Variants in NRXN3 observed in about 807,000 individuals in gnomAD.
NRXN3 encodes neurexin 3, also known as neurexin III.
NRXN3 carries 32 observed loss-of-function variants against 137.6 expected under a neutral mutation model. The ratio of observed to expected loss-of-function variants is 0.23; its 90% CI spans 0.18 to 0.31. The LOEUF (loss-of-function observed/expected upper bound fraction) is 0.31, where lower values mean the gene tolerates loss of function less well. NRXN3 is among the 10% of genes least tolerant of loss of function. The pLI is 1.00. For synonymous variants in NRXN3, 798 were observed against 784.5 expected, an observed-to-expected ratio of 1.02 and a Z score of -0.29; for missense variants, 1,574 against 2,062.5, an observed-to-expected ratio of 0.76 and a Z score of 4.59.
intron 17 of NRXN3, among the ~76,000 whole-genome samples, chr14:79,672,901 T>C (rs1396719604): frequency 6.6e-6 from 1 of 152,042 alleles, no homozygotes; most frequent in Non-Finnish European, 1.5e-5. Flanking sequence ...TTATTTAAAG[T>C]CTAAAAAGAA....
At chr14:78,194,499 G>A (rs2061044700) in intron 1 of NRXN3, among the ~76,000 whole-genome samples, 1 of 152,142 alleles carries the variant, frequency 6.6e-6, no homozygotes, top group East Asian at 1.9e-4. Context: ...TAGAATGTGT[G>A]ATCTAGGTGA....
At chr14:78,657,843 C>A (rs2097796968) in intron 6 of NRXN3, among the ~76,000 whole-genome samples, 1 of 151,910 alleles carries the variant, frequency 6.6e-6, no homozygotes, top group African/African-American at 2.4e-5. Context: ...TTTTTTTCTT[C>A]TTTAAAAAAA....
intron 10 of NRXN3, among the ~76,000 whole-genome samples, chr14:78,917,801 T>C (rs527668895): frequency 1.3e-5 from 2 of 152,032 alleles, no homozygotes; most frequent in African/African-American, 4.8e-5. Flanking sequence ...GAAACCTAAG[T>C]GTGAAAACAC....
intron 15 of NRXN3, among the ~76,000 whole-genome samples, chr14:79,078,489 G>A (rs1318633341): frequency 6.6e-6 from 1 of 152,102 alleles, no homozygotes; most frequent in Non-Finnish European, 1.5e-5. Context: ...GCAAAATGAT[G>A]CCTAAACCAT....
intron 8 of NRXN3, among the ~76,000 whole-genome samples, chr14:78,721,523 A>G (rs1331117619): frequency 2.6e-5 from 4 of 152,132 alleles, no homozygotes; most frequent in Non-Finnish European, 5.9e-5. Flanking sequence ...CAGCAATGTG[A>G]GTCCTTGTTC....
intron 16 of NRXN3, among the ~76,000 whole-genome samples, chr14:79,505,715 A>C (rs934159730): frequency 6.6e-6 from 1 of 152,200 alleles, no homozygotes; most frequent in African/African-American, 2.4e-5. Flanking sequence ...CAGATGTTTT[A>C]TGTTTTATAT....
chr14:78,757,145 C>T (rs970905533), intron 8 of NRXN3, among the ~76,000 whole-genome samples: 5 of 152,206 alleles, frequency 3.3e-5, no homozygotes, highest in East Asian at 1.9e-4. Context: ...CAGTGCCTCA[C>T]GCCTTTAATC....
intron 6 of NRXN3, among the ~76,000 whole-genome samples, chr14:78,700,414 T>G (rs1197422363): frequency 2.0e-5 from 3 of 152,178 alleles, no homozygotes; most frequent in African/African-American, 4.8e-5. Flanking sequence ...AATATGTCTA[T>G]TGATGATGAA....
chr14:79,710,669 AT>A (rs1341940538), intron 19 of NRXN3, among the ~76,000 whole-genome samples: 1 of 152,212 alleles, frequency 6.6e-6, no homozygotes, highest in Non-Finnish European at 1.5e-5. Flanking sequence ...TGTTACTTCA[AT>A]TTTAGTTTGA....
chr14:79,265,105 T>C (rs1374692007), intron 15 of NRXN3, among the ~76,000 whole-genome samples: 1 of 152,096 alleles, frequency 6.6e-6, no homozygotes, highest in Non-Finnish European at 1.5e-5. Flanking sequence ...TTTAATAACC[T>C]ATAAACATTC....
At chr14:79,501,842 A>G (rs947131027) in intron 16 of NRXN3, among the ~76,000 whole-genome samples, 7 of 151,966 alleles carry the variant, frequency 4.6e-5, no homozygotes, top group Non-Finnish European at 7.4e-5. Context: ...ATAGGGGTGG[A>G]TGTCGGAGAG....
intron 10 of NRXN3, among the ~76,000 whole-genome samples, chr14:78,912,000 A>G (rs1428798674): frequency 6.6e-6 from 1 of 151,528 alleles, no homozygotes; most frequent in African/African-American, 2.4e-5. Context: ...TACATGTGCC[A>G]TGTTGGTGTG....
At chr14:78,584,824 G>T (rs944667014) in intron 4 of NRXN3, among the ~76,000 whole-genome samples, 4 of 152,204 alleles carry the variant, frequency 2.6e-5, no homozygotes, top group Non-Finnish European at 5.9e-5. Context: ...GTAACTTTCA[G>T]CAAGTCACTC....
intron 10 of NRXN3, among the ~76,000 whole-genome samples, chr14:78,869,836 A>T (rs1003996135): frequency 1.3e-5 from 2 of 152,046 alleles, no homozygotes; most frequent in African/African-American, 4.8e-5. Context: ...GACCATCATG[A>T]TAAATATATG....
chr14:79,343,366 A>G (rs2092708105), intron 15 of NRXN3, among the ~76,000 whole-genome samples: 1 of 152,214 alleles, frequency 6.6e-6, no homozygotes, highest in Non-Finnish European at 1.5e-5. Context: ...GTCTACCCCC[A>G]GGAATGAACA....
At chr14:78,199,090 G>A (rs575882306) in intron 1 of NRXN3, among the ~76,000 whole-genome samples, 5 of 152,342 alleles carry the variant, frequency 3.3e-5, no homozygotes, top group Admixed American at 3.3e-4. Flanking sequence ...CTGCATTGTG[G>A]CTTAAAATGG....
chr14:79,546,087 T>A (rs1446435172), intron 16 of NRXN3, among the ~76,000 whole-genome samples: 1 of 152,174 alleles, frequency 6.6e-6, no homozygotes, highest in East Asian at 1.9e-4. Flanking sequence ...TTGCTCCTCC[T>A]TGCCTTCTGC....
chr14:78,260,070 C>T (rs2070434812), intron 2 of NRXN3, among the ~76,000 whole-genome samples: 1 of 152,192 alleles, frequency 6.6e-6, no homozygotes, highest in Non-Finnish European at 1.5e-5. Flanking sequence ...CTTTCCACCT[C>T]ATCCAACAAC....
At chr14:79,492,919 G>T (rs1235880532) in intron 16 of NRXN3, among the ~76,000 whole-genome samples, 1 of 152,156 alleles carries the variant, frequency 6.6e-6, no homozygotes, top group East Asian at 1.9e-4. Flanking sequence ...AGATTCATTG[G>T]CTAGTAAATG....
Sources: allele counts gnomAD v4.1 joint callset (sites outside exome capture counted in the v4.1 genomes callset), GRCh38; gene constraint gnomAD v4.1.1; transcripts MANE v1.5; gene names NCBI Gene and HGNC (gene_info 2026-07-23, HGNC 2026-07-21).